EMC10: variants seen among roughly 807,000 people sequenced by gnomAD.
EMC10 encodes the protein ER membrane protein complex subunit 10.
A neutral mutation model predicts 32.2 loss-of-function variants in EMC10; 40 were observed. The observed-to-expected ratio is 1.24, with a 90% CI of 0.96 to 1.61. The LOEUF (loss-of-function observed/expected upper bound fraction) is 1.61, where lower values mean the gene tolerates loss of function less well. EMC10 is among the 40% of genes most tolerant of loss of function. EMC10 has a pLI of 0.00. For missense variants in EMC10, 402 were observed against 357.7 expected, an observed-to-expected ratio of 1.12 and a Z score of -1.00; for synonymous variants, 178 against 158.4, an observed-to-expected ratio of 1.12 and a Z score of -0.93.
chr19:50,481,916 C>T (rs1382685358), intron 6 of EMC10: 1 of 1,604,320 alleles, frequency 6.2e-7, no homozygotes. Context: ...CCTGCTGCGC[C>T]AGGGCCCGCG....
rs765816143 is a variant in EMC10 at position 50,476,647 on chromosome 19, G to C, written c.103G>C (p.Gly35Arg). 1 of 1,532,992 alleles carries C rather than the reference G, an allele frequency of 6.5e-7. No individual in the cohort carries two copies. The highest frequency in any genetic ancestry group is 1.4e-5 in the African/African-American group (1 of 72,018). The allele number at this position is 1,532,992 out of a possible 1,614,324, so 95.0% of individuals were successfully genotyped here. The change falls in exon 1 of 7, where the codon GGT becomes CGT. Residue 35 changes from glycine to arginine, a missense_variant. Gly to Arg is a moderately radical substitution (Grantham distance 125). Coordinates refer to ENST00000334976, the MANE Select transcript of EMC10 (RefSeq NM_206538.4). ...ARGSGCRAGT[G>R]ARGAGAEGRE... ...GGGCAGCGGCTGCCGGGCCGGGACTGGTGCGCGAGGGGTGAGTGCTCTTTA... is the reference window on the plus strand; with the variant it reads ...GGGCAGCGGCTGCCGGGCCGGGACTCGTGCGCGAGGGGTGAGTGCTCTTTA...
chr19:50,479,159 C>G, intron 3 of EMC10, 93 bp downstream of exon 3: 3 of 1,004,588 alleles, frequency 3.0e-6, no homozygotes, highest in Non-Finnish European at 4.5e-6. Flanking sequence ...AGCAGCCTTC[C>G]CTCCAGGCCC....
In EMC10 at chr19:50,489,053, T is replaced by G. The variant is rs1601333673; in HGVS notation, c.*6794T>G. On this transcript the variant is annotated 3_prime_UTR_variant, in exon 7 of 7. Transcript: ENST00000334976. ...GGAGGGAAGGAGGGTAGGAGAGGGC[T>G]GGAGATAGGGGAAAAGAGAAAAGGA... 10 of 121,380 alleles carry G rather than the reference T, an allele frequency of 8.2e-5. No homozygotes were observed. Among genetic ancestry groups the G allele is most frequent in the South Asian group, 2.6e-4 (1 of 3,844 alleles). 7.5% of individuals were successfully genotyped at this position (121,380 alleles called of 1,614,324 possible).
In EMC10 at chr19:50,480,667, GCAC is replaced by G. The variant is rs1568686087; in HGVS notation, c.491_493del (p.His164del). On this transcript the variant is annotated inframe_deletion, in exon 5 of 7. Coordinates refer to ENST00000334976, the MANE Select transcript of EMC10 (RefSeq NM_206538.4). The surrounding 1 kb of genome is among the most constrained non-coding windows in gnomAD (Gnocchi z 4.4). Reference sequence around the variant, plus strand: ...ACGTGGTGGGCGTGTCGGTGGTGACGCACCCCGGGGGCTGCCGGGGCCATGAGG... The same window carrying G: ...ACGTGGTGGGCGTGTCGGTGGTGACGCCCGGGGGCTGCCGGGGCCATGAGG... 1 of 1,598,464 alleles carries G rather than the reference GCAC, an allele frequency of 6.3e-7. No individual in the cohort carries two copies. The highest frequency in any genetic ancestry group is 1.7e-5 in the Admixed American group (1 of 58,040).
At chr19:50,476,687 G>C (rs1270751407) in intron 1 of EMC10, 29 bp downstream of exon 1, 2 of 1,403,694 alleles carry the variant, frequency 1.4e-6, no homozygotes, top group Admixed American at 5.0e-5. Flanking sequence ...TGCATAGCGG[G>C]CGCGGTCTAC....
At chr19:50,477,898 C>G (rs772997791) in intron 1 of EMC10, 31 bp from the exon 2 acceptor site, 1 of 1,583,974 alleles carries the variant, frequency 6.3e-7, no homozygotes, top group African/African-American at 1.4e-5. Context: ...CTTGGGTGGT[C>G]CTCACCTGGG....
chr19:50,481,321 T>G, intron 6 of EMC10: 1 of 270,314 alleles, frequency 3.7e-6, no homozygotes. Context: ...CAGGGGGTTG[T>G]ACAGGAAGGA....
Position 50,477,929 on chromosome 19 carries a change from G to A in EMC10, c.115G>A (p.Ala39Thr). Residue 39 changes from alanine (A) to threonine (T), a missense_variant and splice_region_variant, in exon 2 of 7, where the codon GCT (alanine) becomes ACT (threonine). Physicochemically the swap from Ala to Thr is moderately conservative, Grantham distance 58. Transcript: ENST00000334976. ...CTGGGGCCTTCTGTGTCCTCTGCAG[G>A]CTGGGGCGGAAGGTCGAGAGGGCGA... ...GCRAGTGARG[A>T]GAEGREGEAC... 1.3e-6 allele frequency: 2 copies of A among 1,598,206 alleles called. No individual in the cohort carries two copies. Among genetic ancestry groups the A allele is most frequent in the East Asian group, 2.3e-5 (1 of 43,684 alleles).
chr19:50,476,573 G>A lies in EMC10; in HGVS notation c.29G>A (p.Arg10Gln), dbSNP rs1219772493. Residue 10 changes from arginine (R) to glutamine (Q), a missense_variant, in exon 1 of 7, where the codon CGG becomes CAG. Physicochemically the swap from Arg to Gln is conservative, Grantham distance 43. Transcript: ENST00000334976. Reference sequence around the variant, plus strand: ...GCGGCAGCCAGCGCTGGGGCAACCCGGCTGCTCCTGCTCTTGCTGATGGCG... The same window carrying A: ...GCGGCAGCCAGCGCTGGGGCAACCCAGCTGCTCCTGCTCTTGCTGATGGCG... MAAASAGAT[R>Q]LLLLLLMAVA... is the part of the protein sequence containing the mutation. The A allele has an allele frequency of 6.3e-7, 1 of 1,575,276 alleles. No homozygotes were observed. Among genetic ancestry groups the A allele is most frequent in the Non-Finnish European group, 8.6e-7 (1 of 1,166,258 alleles).
Position 50,476,599 on chromosome 19 carries a change from G to C in EMC10, c.55G>C (p.Val19Leu). 1 of 1,570,550 alleles carries C rather than the reference G, an allele frequency of 6.4e-7. No individual in the cohort carries two copies. The highest frequency in any genetic ancestry group is 1.1e-5 in the South Asian group (1 of 87,192). Residue 19 changes from valine to leucine, a missense_variant, in exon 1 of 7, where the codon GTA (valine) becomes CTA (leucine). By Grantham distance (32) the Val-to-Leu change is conservative (BLOSUM62 1). Coordinates refer to ENST00000334976, the MANE Select transcript of EMC10 (RefSeq NM_206538.4). The part of the protein sequence containing the change: ...TRLLLLLLMA[V>L]AAPSRARGSG... The stretch of plus-strand genomic sequence containing the variant: ...GCTGCTCCTGCTCTTGCTGATGGCG[G>C]TAGCAGCGCCCAGTCGAGCCCGGGG...
At chr19:50,478,105 A>G (rs752624118) in intron 2 of EMC10, 104 bp downstream of exon 2, 16 of 926,890 alleles carry the variant, frequency 1.7e-5, no homozygotes, top group Non-Finnish European at 2.6e-5. Flanking sequence ...ACTAACAACC[A>G]TTTACTAACA....
At position 50,480,904 on chromosome 19, in the gene EMC10, T is replaced by C. The variant is rs2040309863; in HGVS notation, c.605T>C (p.Ile202Thr). The C allele has an allele frequency of 2.5e-6, 4 of 1,609,632 alleles. No homozygotes were observed. The highest frequency in any genetic ancestry group is 2.5e-6 in the Non-Finnish European group (3 of 1,176,792). ...CCCAGCCCTGAGACGGCGGCCTTCA[T>C]TGAGCGCCTGGAGATGGAACAGGCC... ...TAPGPETAAF[I>T]ERLEMEQAQK... Residue 202 changes from isoleucine to threonine, a missense_variant, in exon 6 of 7, where the codon ATT becomes ACT. By Grantham distance (89) the Ile-to-Thr change is moderately conservative. Coordinates refer to ENST00000334976, the MANE Select transcript of EMC10 (RefSeq NM_206538.4). The surrounding 1 kb of genome is among the most constrained non-coding windows in gnomAD (Gnocchi z 4.4).
intron 1 of EMC10, among the ~76,000 whole-genome samples, chr19:50,477,473 G>T (rs943520419): frequency 6.6e-6 from 1 of 152,198 alleles, no homozygotes; most frequent in African/African-American, 2.4e-5. Flanking sequence ...CTAAATATGC[G>T]TGAGTATGCA....
chr19:50,483,209 G>T lies in EMC10; in HGVS notation c.*950G>T, dbSNP rs1032926788. ...GTTGTTTTGGCAAGACGGTCCTGAT[G>T]TACAAGCTTGATTGAAATTCACTGC... is the stretch of plus-strand genomic sequence containing the variant. On this transcript the variant is annotated 3_prime_UTR_variant, in exon 7 of 7. Coordinates refer to ENST00000334976, the MANE Select transcript of EMC10 (RefSeq NM_206538.4). 5 of 435,100 alleles carry T rather than the reference G, an allele frequency of 1.1e-5. No homozygotes were observed. Among genetic ancestry groups the T allele is most frequent in the Admixed American group, 2.5e-5 (1 of 40,096 alleles). 27.0% of individuals were successfully genotyped at this position (435,100 alleles called of 1,614,324 possible).
In EMC10 at chr19:50,489,519, GGCC is replaced by G. The variant is rs1978533033; in HGVS notation, c.*7262_*7264del. On this transcript the variant is annotated 3_prime_UTR_variant, in exon 7 of 7. Coordinates refer to ENST00000334976, the MANE Select transcript of EMC10 (RefSeq NM_206538.4). ...AGGAGCCAGTGTGAGGCACGGAGAG[GGCC>G]GGGTAGCTGGGCGGCGGGGGTGTCG... 1 of 152,716 alleles carries G rather than the reference GGCC, an allele frequency of 6.5e-6. No homozygotes were observed. Among genetic ancestry groups the G allele is most frequent in the Non-Finnish European group, 1.5e-5 (1 of 68,388 alleles). The allele number at this position is 152,716 out of a possible 1,614,324, so 9.5% of individuals were successfully genotyped here. A position where few individuals can be genotyped will look rare whatever the true frequency, so the allele number is the denominator to read the frequency against.
rs557931419 is a variant in EMC10, at chr19:50,483,706, C to T, written c.*1447C>T. 3.9e-5 allele frequency: 6 copies of T among 152,570 alleles called. No homozygotes were observed. Among genetic ancestry groups the T allele is most frequent in the South Asian group, 2.1e-4 (1 of 4,860 alleles). The allele number at this position is 152,570 out of a possible 1,614,324, so 9.5% of individuals were successfully genotyped here. On this transcript the variant is annotated 3_prime_UTR_variant, in exon 7 of 7. Transcript: ENST00000334976. ...CCTCCTGAGTAGCTGGAATTGTAGG[C>T]GTGCACCACCACGCGCAGCTAGTTT... is the stretch of plus-strand genomic sequence containing the variant.
rs1350525234 is a variant in EMC10, at chr19:50,483,892, T to A, written c.*1633T>A. On this transcript the variant is annotated 3_prime_UTR_variant, in exon 7 of 7. Transcript: ENST00000334976. Reference sequence around the variant, plus strand: ...TTGGTAACTTTAATAAAGAAGATAGTCTTAGCATTGCTAACTTCTGTTTCT... The same window carrying A: ...TTGGTAACTTTAATAAAGAAGATAGACTTAGCATTGCTAACTTCTGTTTCT... 6.6e-6 allele frequency: 1 copy of A among 151,758 alleles called. No individual in the cohort carries two copies. The highest frequency in any genetic ancestry group is 1.5e-5 in the Non-Finnish European group (1 of 67,984). 9.4% of individuals were successfully genotyped at this position (151,758 alleles called of 1,614,324 possible). A position where few individuals can be genotyped will look rare whatever the true frequency, so the allele number is the denominator to read the frequency against.
intron 1 of EMC10, chr19:50,477,055 A>G (rs1248287100): frequency 5.8e-6 from 1 of 172,662 alleles, no homozygotes; most frequent in African/African-American, 2.4e-5. Context: ...CAGGAGTTCA[A>G]GACCAGCCTG....
chr19:50,479,117 G>A (rs1413279265), intron 3 of EMC10, 51 bp downstream of exon 3: 17 of 1,448,888 alleles, frequency 1.2e-5, no homozygotes, highest in Non-Finnish European at 1.4e-5. Flanking sequence ...AGGGTTTCCA[G>A]CTGTCTCTTC....
Sources: allele counts gnomAD v4.1 joint callset (sites outside exome capture counted in the v4.1 genomes callset), GRCh38; gene constraint gnomAD v4.1.1; non-coding constraint Gnocchi (gnomAD v3.1); transcripts MANE v1.5; gene names NCBI Gene and HGNC (gene_info 2026-07-23, HGNC 2026-07-21).